Variants in SND1 observed in about 807,000 individuals in gnomAD.
SND1 encodes the protein staphylococcal nuclease domain-containing protein 1.
In SND1, 38 loss-of-function variants were observed where a neutral mutation model predicts 121.7. The ratio of observed to expected loss-of-function variants is 0.31; its 90% confidence interval spans 0.24 to 0.41. The LOEUF is 0.41. Among genes scored for constraint, SND1 ranks in the 10% least tolerant of loss-of-function variants. SND1 has a pLI of 1.00. For synonymous variants in SND1, 401 were observed against 447.4 expected, an observed-to-expected ratio of 0.90 and a Z score of 1.31; for missense variants, 868 against 1,184.6, an observed-to-expected ratio of 0.73 and a Z score of 3.92.
intron 15 of SND1, among the ~76,000 whole-genome samples, chr7:127,977,554 G>A (rs1425015253): frequency 6.6e-6 from 1 of 152,132 alleles, no homozygotes; most frequent in Non-Finnish European, 1.5e-5. Flanking sequence ...AGATTAATCT[G>A]GTAGCTGATT....
rs1191982892 is a variant in SND1 at position 127,894,822 on chromosome 7, T to G, written c.1454+6810T>G. Among the ~76,000 whole-genome samples the G allele has an allele frequency of 2.0e-5, 3 of 151,968 alleles. No individual in the cohort carries two copies. The East Asian group carries it at 5.8e-4, about 29-fold the overall frequency. On this transcript the variant is annotated intron_variant, in intron 13 of 23. Transcript: ENST00000354725. ...TTCTCTTTATTCCTTTTTTTTTTTT[T>G]TTCTTTTAAGTGTATCCTGGCTTCC...
intron 15 of SND1, among the ~76,000 whole-genome samples, chr7:127,934,430 G>A (rs1197760727): frequency 6.6e-6 from 1 of 152,130 alleles, no homozygotes; most frequent in Admixed American, 6.5e-5. Context: ...CTCAGACTCG[G>A]GTTAAGTAAA....
At chr7:127,983,592 G>A (rs1042981779) in intron 15 of SND1, among the ~76,000 whole-genome samples, 6 of 152,020 alleles carry the variant, frequency 3.9e-5, no homozygotes, top group African/African-American at 1.5e-4. Flanking sequence ...GTTTTGTTGT[G>A]AAAGTTCCAT....
intron 16 of SND1, among the ~76,000 whole-genome samples, chr7:128,009,656 T>C (rs971218843): frequency 3.9e-5 from 6 of 152,218 alleles, no homozygotes; most frequent in Admixed American, 6.5e-5. Flanking sequence ...TTAGACAGCA[T>C]AGGACTCTAG....
intron 18 of SND1, among the ~76,000 whole-genome samples, chr7:128,083,248 C>G (rs185192140): frequency 6.6e-6 from 1 of 152,164 alleles, no homozygotes; most frequent in Non-Finnish European, 1.5e-5. Context: ...AGGGCTTTGC[C>G]TGTTGGCAGG....
In SND1 at chr7:128,030,699, G is replaced by C. The variant is rs907694717; in HGVS notation, c.1779+39643G>C. ...GATTTTGGCTCGGAAAGGAGAACCA[G>C]CCCTACCCCGGCTTAAGTGAGCTAG... On this transcript the variant is annotated intron_variant, in intron 16 of 23. Coordinates refer to ENST00000354725, the MANE Select transcript of SND1 (RefSeq NM_014390.4). 6 of 1,515,138 alleles carry C rather than the reference G, an allele frequency of 4.0e-6. No individual in the cohort carries two copies. The African/African-American group carries it at 8.4e-5, about 21-fold the overall frequency. The allele number at this position is 1,515,138 out of a possible 1,614,324, so 93.9% of individuals were successfully genotyped here.
chr7:127,788,896 C>T (rs1280244962), intron 10 of SND1, among the ~76,000 whole-genome samples: 2 of 152,192 alleles, frequency 1.3e-5, no homozygotes, highest in African/African-American at 2.4e-5. Context: ...TCTCATGAAG[C>T]ATATCTGACC....
intron 10 of SND1, among the ~76,000 whole-genome samples, chr7:127,798,281 G>C (rs1306449876): frequency 6.6e-6 from 1 of 152,162 alleles, no homozygotes; most frequent in Non-Finnish European, 1.5e-5. Flanking sequence ...TCTTGGAATT[G>C]CCACTGCCTC....
At chr7:127,881,297 A>G (rs1334411923) in intron 12 of SND1, among the ~76,000 whole-genome samples, 3 of 152,128 alleles carry the variant, frequency 2.0e-5, no homozygotes, top group Non-Finnish European at 4.4e-5. Flanking sequence ...TAATCATTCT[A>G]TGATTCCCTC....
At chr7:127,951,652 T>TG (rs1295302671) in intron 15 of SND1, among the ~76,000 whole-genome samples, 1 of 152,140 alleles carries the variant, frequency 6.6e-6, no homozygotes, top group Non-Finnish European at 1.5e-5. Context: ...AAGCTAATTT[T>TG]GGGGGATAGA....
intron 1 of SND1, among the ~76,000 whole-genome samples, chr7:127,653,335 CT>C (rs989484789): frequency 6.6e-6 from 1 of 152,174 alleles, no homozygotes; most frequent in Admixed American, 6.5e-5. Flanking sequence ...CCCCAAAACC[CT>C]TCCAAATCTT....
chr7:127,795,105 G>T (rs1196310197), intron 10 of SND1, among the ~76,000 whole-genome samples: 1 of 152,024 alleles, frequency 6.6e-6, no homozygotes, highest in Non-Finnish European at 1.5e-5. Context: ...TTTTAATGTT[G>T]ATTCATGTTT....
chr7:127,837,860 G>A (rs564679419), intron 11 of SND1, among the ~76,000 whole-genome samples: 37 of 152,196 alleles, frequency 2.4e-4, no homozygotes, highest in Non-Finnish European at 4.6e-4. Context: ...AAGAGAAGTA[G>A]CACTCGAACA....
intron 14 of SND1, among the ~76,000 whole-genome samples, chr7:127,923,753 T>C (rs940014241): frequency 2.0e-5 from 3 of 152,190 alleles, no homozygotes; most frequent in Admixed American, 6.5e-5. Context: ...ATTCTCCTGG[T>C]CTGCACAACC....
intron 9 of SND1, among the ~76,000 whole-genome samples, chr7:127,709,345 G>A (rs897721118): frequency 5.9e-5 from 9 of 152,102 alleles, no homozygotes; most frequent in African/African-American, 2.2e-4. Context: ...TCAATTTTTC[G>A]CCATCTTCAC....
chr7:128,011,027 A>T, intron 16 of SND1, among the ~76,000 whole-genome samples: 1 of 152,266 alleles, frequency 6.6e-6, no homozygotes, highest in East Asian at 1.9e-4. Context: ...TTTTAATGAA[A>T]TAAATAAGTA....
intron 14 of SND1, among the ~76,000 whole-genome samples, chr7:127,906,162 C>T (rs1247069942): frequency 3.3e-5 from 5 of 152,156 alleles, no homozygotes; most frequent in Admixed American, 1.3e-4. Flanking sequence ...GTTAACTGGA[C>T]TTCAGTCTAC....
intron 1 of SND1, among the ~76,000 whole-genome samples, chr7:127,653,437 G>A (rs1795157241): frequency 6.6e-6 from 1 of 152,128 alleles, no homozygotes; most frequent in South Asian, 2.1e-4. Context: ...TCTGACATTT[G>A]TATCTGCAAC....
At chr7:128,087,439 TAGG>T (rs1386542800) in intron 21 of SND1, among the ~76,000 whole-genome samples, 1 of 152,200 alleles carries the variant, frequency 6.6e-6, no homozygotes, top group African/African-American at 2.4e-5. Flanking sequence ...GCACCATTTC[TAGG>T]AGAAGTGTGA....
Sources: gnomAD v4.1 joint callset for allele counts (sites outside exome capture counted in the v4.1 genomes callset) on GRCh38, gnomAD v4.1.1 for gene constraint, MANE v1.5 for transcripts, NCBI Gene and HGNC (gene_info 2026-07-23, HGNC 2026-07-21) for gene names.